INPP5A: variants seen among roughly 807,000 people sequenced by gnomAD.
INPP5A encodes inositol polyphosphate-5-phosphatase A.
In INPP5A, 14 loss-of-function variants were observed where a neutral mutation model predicts 65.2. The observed-to-expected ratio is 0.21, with a 90% CI of 0.14 to 0.34. INPP5A has a LOEUF of 0.34. INPP5A is among the 10% of genes least tolerant of loss of function. The probability of loss-of-function intolerance (pLI) is 1.00; values close to 1 mark genes in which losing one functional copy is unlikely to be tolerated. For synonymous variants in INPP5A, 207 were observed against 208.3 expected (o/e 0.99, Z 0.05); for missense variants, 431 against 545.6 (o/e 0.79, Z 2.09).
chr10:132,645,315 G>A (rs370076269), intron 2 of INPP5A, among the ~76,000 whole-genome samples: 6 of 152,328 alleles, frequency 3.9e-5, no homozygotes, highest in South Asian at 2.1e-4. Context: ...GCTGTGTGTC[G>A]GCGTCCTCCC....
intron 4 of INPP5A, among the ~76,000 whole-genome samples, chr10:132,661,062 A>G (rs1178396187): frequency 2.6e-5 from 4 of 152,178 alleles, no homozygotes. Context: ...CAGTCCTGGA[A>G]TGAGGCCTGC....
At chr10:132,777,237 G>T (rs1847080305) in intron 12 of INPP5A, among the ~76,000 whole-genome samples, 1 of 152,236 alleles carries the variant, frequency 6.6e-6, no homozygotes, top group African/African-American at 2.4e-5. Flanking sequence ...GACCACGTGT[G>T]CCACACCCCA....
chr10:132,668,612 G>C (rs1378592761), intron 4 of INPP5A, among the ~76,000 whole-genome samples: 1 of 152,178 alleles, frequency 6.6e-6, no homozygotes, highest in African/African-American at 2.4e-5. Context: ...ATTAAAGCAT[G>C]ATCAGGGAAA....
intron 9 of INPP5A, among the ~76,000 whole-genome samples, chr10:132,729,518 G>A (rs75110512): frequency 1.3e-5 from 2 of 152,242 alleles, no homozygotes; most frequent in Non-Finnish European, 2.9e-5. Flanking sequence ...CCGGGCCTCA[G>A]TGGGCTCTCC....
intron 11 of INPP5A, among the ~76,000 whole-genome samples, chr10:132,758,780 T>C (rs990020294): frequency 6.6e-6 from 1 of 152,188 alleles, no homozygotes; most frequent in Admixed American, 6.5e-5. Flanking sequence ...TCTCCTCTCA[T>C]GAGGAGCACA....
intron 7 of INPP5A, among the ~76,000 whole-genome samples, chr10:132,709,795 G>A (rs1245411018): frequency 6.6e-6 from 1 of 152,218 alleles, no homozygotes; most frequent in Non-Finnish European, 1.5e-5. Flanking sequence ...AGCTGAAGGT[G>A]CTGAGGGTCC....
chr10:132,765,984 GTGTGTGTACCATACC>G, intron 12 of INPP5A, 138 bp downstream of exon 12: 1 of 670,606 alleles, frequency 1.5e-6, no homozygotes, highest in South Asian at 1.7e-5. Context: ...TGCATCCAGA[GTGTGTGTACCATACC>G]TGTGTGTACA....
chr10:132,670,696 C>T (rs906837243), intron 4 of INPP5A, among the ~76,000 whole-genome samples: 3 of 151,876 alleles, frequency 2.0e-5, no homozygotes, highest in Non-Finnish European at 4.4e-5. Context: ...TGTCTTCTCC[C>T]CAGAACACCC....
intron 8 of INPP5A, among the ~76,000 whole-genome samples, chr10:132,711,372 G>C (rs1216587958): frequency 6.6e-6 from 1 of 152,188 alleles, no homozygotes; most frequent in Non-Finnish European, 1.5e-5. Context: ...AGGCAGTCTG[G>C]GTTTATTCTC....
intron 13 of INPP5A, among the ~76,000 whole-genome samples, chr10:132,778,629 G>A (rs571141903): frequency 9.2e-5 from 14 of 152,310 alleles, no homozygotes; most frequent in African/African-American, 2.9e-4. Flanking sequence ...ACCCAGAGCC[G>A]GGGCCTCTGA....
chr10:132,777,773 G>A lies in INPP5A; in HGVS notation c.1080G>A (p.Leu360=), dbSNP rs762395932. 2.5e-6 allele frequency: 4 copies of A among 1,612,930 alleles called. No homozygotes were observed. The highest frequency in any genetic ancestry group is 2.5e-6 in the Non-Finnish European group (3 of 1,179,894). The change falls in exon 13 of 16, where the codon CTG becomes CTA. Residue 360 remains leucine, a synonymous_variant. Coordinates refer to ENST00000368594, the MANE Select transcript of INPP5A (RefSeq NM_005539.5). ...TCATGTCCCCGTCTGCCAAGGAGCTGGTGCTGCGGGTGAGTGTGTGCTGCC... is the reference window on the plus strand; with the variant it reads ...TCATGTCCCCGTCTGCCAAGGAGCTAGTGCTGCGGGTGAGTGTGTGCTGCC... The part of the protein sequence containing the change: ...RILMSPSAKE[L]VLRSESEEKV...
At chr10:132,589,039 C>T (rs12783312) in intron 1 of INPP5A, among the ~76,000 whole-genome samples, 24,512 of 151,886 alleles carry the variant, frequency 0.16, 2,308 homozygotes, top group Admixed American at 0.26. Flanking sequence ...TGTGGTCCCA[C>T]GTTCTGGTGT....
chr10:132,713,669 G>C (rs1231787853), intron 8 of INPP5A, among the ~76,000 whole-genome samples: 1 of 152,272 alleles, frequency 6.6e-6, no homozygotes, highest in East Asian at 1.9e-4. Flanking sequence ...TGGCAACTGC[G>C]AGGCCTGGGT....
At chr10:132,593,405 A>C (rs188854403) in intron 1 of INPP5A, among the ~76,000 whole-genome samples, 15 of 152,336 alleles carry the variant, frequency 9.8e-5, no homozygotes, top group African/African-American at 3.6e-4. Context: ...AAACTTAAAA[A>C]AAATTAACCT....
At chr10:132,677,563 G>A (rs2072983387) in intron 4 of INPP5A, among the ~76,000 whole-genome samples, 1 of 152,228 alleles carries the variant, frequency 6.6e-6, no homozygotes, top group Middle Eastern at 3.2e-3. Flanking sequence ...TCACCTTGCC[G>A]CCCTCAGATG....
At chr10:132,594,876 C>G (rs560992514) in intron 1 of INPP5A, among the ~76,000 whole-genome samples, 1 of 152,302 alleles carries the variant, frequency 6.6e-6, no homozygotes, top group South Asian at 2.1e-4. Flanking sequence ...GCCATTTGCC[C>G]TTTGTTATTG....
At chr10:132,772,532 G>A (rs1208321810) in intron 12 of INPP5A, among the ~76,000 whole-genome samples, 117 of 100,780 alleles carry the variant, frequency 1.2e-3, no homozygotes, top group African/African-American at 1.4e-3. Flanking sequence ...AGAGTGGGAC[G>A]GACACTCAGC....
chr10:132,781,670 G>T (rs867108915), intron 14 of INPP5A, among the ~76,000 whole-genome samples, 191 bp from the exon 15 acceptor site: 2 of 152,156 alleles, frequency 1.3e-5, no homozygotes, highest in Non-Finnish European at 2.9e-5. Flanking sequence ...ACATTCACGG[G>T]GCCCCCAACC....
intron 8 of INPP5A, among the ~76,000 whole-genome samples, chr10:132,712,809 CAT>C (rs368700189): frequency 1.3e-4 from 19 of 148,884 alleles, no homozygotes; most frequent in African/African-American, 4.5e-4. Flanking sequence ...TGCATGTGTG[CAT>C]GTGTGTGGGG....
Sources: allele counts gnomAD v4.1 joint callset (sites outside exome capture counted in the v4.1 genomes callset), GRCh38; gene constraint gnomAD v4.1.1; transcripts MANE v1.5; gene names NCBI Gene and HGNC (gene_info 2026-07-23, HGNC 2026-07-21).